Variants in TMEM109 observed in about 807,000 individuals in gnomAD.
The protein encoded by TMEM109 is voltage-gated monoatomic cation channel TMEM109.
Under a neutral mutation model 26.4 loss-of-function variants are expected in TMEM109, and 19 were observed. The ratio of observed to expected loss-of-function variants is 0.72; its 90% CI spans 0.50 to 1.06. The LOEUF (loss-of-function observed/expected upper bound fraction) is 1.06, where lower values mean the gene tolerates loss of function less well. TMEM109 is among the 50% of genes least tolerant of loss of function. The pLI is 0.00. For missense variants in TMEM109, 262 were observed against 303.4 expected, an observed-to-expected ratio of 0.86 and a Z score of 1.01; for synonymous variants, 129 against 142.0, an observed-to-expected ratio of 0.91 and a Z score of 0.65.
At position 60,921,890 on chromosome 11, in the gene TMEM109, T is replaced by G. The variant is rs1362749087; in HGVS notation, c.457T>G (p.Leu153Val). The change falls in exon 4 of 4, where the codon TTG becomes GTG. Residue 153 changes from leucine (L) to valine (V), a missense_variant. Physicochemically the swap from Leu to Val is conservative, Grantham distance 32. Transcript: ENST00000227525. ...GCTGTCTCTGCTCCTCGGCTTGGTC[T>G]TGGCCTTGCTGGGGCGGATCCTGTG... ...WLLSLLLGLV[L>V]ALLGRILWGL... is the part of the protein sequence containing the mutation. 1 of 1,614,212 alleles carries G rather than the reference T, an allele frequency of 6.2e-7. No individual in the cohort carries two copies. The highest frequency in any genetic ancestry group is 8.5e-7 in the Non-Finnish European group (1 of 1,180,038).
intron 1 of TMEM109, chr11:60,919,104 G>C (rs574654413): frequency 6.4e-6 from 1 of 155,354 alleles, no homozygotes; most frequent in Non-Finnish European, 1.4e-5. Flanking sequence ...GTTTCTTCTC[G>C]TCTGTACCAG....
intron 1 of TMEM109, among the ~76,000 whole-genome samples, chr11:60,915,008 G>A (rs984290300): frequency 1.3e-5 from 2 of 152,144 alleles, no homozygotes; most frequent in African/African-American, 4.8e-5. Flanking sequence ...TGGCTTTCTC[G>A]TTCGACCCTC....
chr11:60,920,979 G>A lies in TMEM109; in HGVS notation c.331G>A (p.Gly111Arg). The A allele has an allele frequency of 6.2e-7, 1 of 1,614,030 alleles. No homozygotes were observed. Among genetic ancestry groups the A allele is most frequent in the East Asian group, 2.2e-5 (1 of 44,886 alleles). ...GIAAQLLNAL[G>R]LAGDYLAQGL... ...CGCCGCACAGCTGCTGAATGCCTTGGGACTAGCTGGTGAGTGTTCGAGTGC... is the reference window on the plus strand; with the variant it reads ...CGCCGCACAGCTGCTGAATGCCTTGAGACTAGCTGGTGAGTGTTCGAGTGC... The change falls in exon 3 of 4, where the codon GGA becomes AGA. Residue 111 changes from glycine to arginine, a missense_variant. Physicochemically the swap from Gly to Arg is moderately radical, Grantham distance 125. Coordinates refer to ENST00000227525, the MANE Select transcript of TMEM109 (RefSeq NM_024092.3).
In TMEM109 at chr11:60,920,053, A is replaced by G; in HGVS notation, c.237+123A>G. On this transcript the variant is annotated intron_variant, in intron 2 of 3. Coordinates refer to ENST00000227525, the MANE Select transcript of TMEM109 (RefSeq NM_024092.3). ...GGTGCAGAGAGCCCCAAATTCCACA[A>G]AAAGAAGCCACACAGCACTTGTCTT... The G allele has an allele frequency of 5.1e-6, 4 of 782,272 alleles. No homozygotes were observed. The South Asian group carries it at 6.5e-5, about 13-fold the overall frequency. 48.5% of individuals were successfully genotyped at this position (782,272 alleles called of 1,614,324 possible).
chr11:60,921,290 G>A lies in TMEM109; in HGVS notation c.340+302G>A, dbSNP rs141562366. On this transcript the variant is annotated intron_variant, in intron 3 of 3. Coordinates refer to ENST00000227525, the MANE Select transcript of TMEM109 (RefSeq NM_024092.3). ...TAAAAAATTAGCCAAGCATGGTGGCGTGTGTCTGTTGTCCCAGCTACTTGG... is the reference window on the plus strand; with the variant it reads ...TAAAAAATTAGCCAAGCATGGTGGCATGTGTCTGTTGTCCCAGCTACTTGG... 7.0e-3 allele frequency among the ~76,000 whole-genome samples: 1,061 copies of A among 152,230 alleles called. 20 individuals are homozygous for A. The highest frequency in any genetic ancestry group is 0.024 in the African/African-American group (1,008 of 41,534).
intron 3 of TMEM109, 118 bp from the exon 4 acceptor site, chr11:60,921,656 C>T (rs1389223606): frequency 7.8e-6 from 6 of 766,612 alleles, no homozygotes; most frequent in Admixed American, 4.6e-5. Flanking sequence ...TCTGAGTCTG[C>T]GAGAACGGCT....
chr11:60,916,923 G>T (rs1207657049), intron 1 of TMEM109, among the ~76,000 whole-genome samples: 1 of 152,190 alleles, frequency 6.6e-6, no homozygotes, highest in African/African-American at 2.4e-5. Context: ...TAGCAACCCT[G>T]CTCTTTTAAG....
At chr11:60,914,448 TCGTTTCCAGGCAACCCGGGAGGCGCA>T (rs1424036624) in intron 1 of TMEM109, among the ~76,000 whole-genome samples, 180 bp downstream of exon 1, 164 of 152,108 alleles carry the variant, frequency 1.1e-3, no homozygotes, top group African/African-American at 3.9e-3. Context: ...ACCGGGGGCG[TCGTTTCCAGGCAACCCGGGAGGCGCA>T]CGTTTCCGGG....
Position 60,922,014 on chromosome 11 carries a change from T to C in TMEM109, c.581T>C (p.Ile194Thr), listed in dbSNP as rs1250688836. ...TRALLLLALLILYALLSRLTG... is the reference protein window; with the variant it reads ...TRALLLLALLTLYALLSRLTG... ...GCCCTGCTACTCCTGGCCTTGCTGA[T>C]CCTCTACGCCCTGCTGAGCCGGCTC... The change falls in exon 4 of 4, where the codon ATC becomes ACC. Residue 194 changes from isoleucine (I) to threonine (T), a missense_variant. By Grantham distance (89) the Ile-to-Thr change is moderately conservative. Coordinates refer to ENST00000227525, the MANE Select transcript of TMEM109 (RefSeq NM_024092.3). The C allele has an allele frequency of 6.2e-7, 1 of 1,613,168 alleles. No homozygotes were observed. The highest frequency in any genetic ancestry group is 8.5e-7 in the Non-Finnish European group (1 of 1,180,014).
At chr11:60,914,482 G>T (rs755946619) in intron 1 of TMEM109, among the ~76,000 whole-genome samples, 1 of 152,206 alleles carries the variant, frequency 6.6e-6, no homozygotes, top group Non-Finnish European at 1.5e-5. Context: ...GCACGTTTCC[G>T]GGGAGAAGAG....
intron 1 of TMEM109, among the ~76,000 whole-genome samples, chr11:60,915,831 A>G (rs929764203): frequency 6.6e-5 from 10 of 152,300 alleles, no homozygotes; most frequent in East Asian, 1.9e-4. Context: ...CACTAACACA[A>G]TAAGTAAAGC....
chr11:60,918,022 T>C (rs1856191196), intron 1 of TMEM109, among the ~76,000 whole-genome samples: 1 of 152,140 alleles, frequency 6.6e-6, no homozygotes, highest in Admixed American at 6.5e-5. Flanking sequence ...AGAGTTGTTG[T>C]GTATGAGGGG....
chr11:60,914,415 A>ACCCGGATC (rs2134875245), intron 1 of TMEM109, 147 bp downstream of exon 1: 1 of 152,270 alleles, frequency 6.6e-6, no homozygotes, highest in African/African-American at 2.4e-5. Flanking sequence ...CAAACCGGGG[A>ACCCGGATC]CCCGGATCCC....
Position 60,922,397 on chromosome 11 carries a change from C to G in TMEM109, c.*232C>G. On this transcript the variant is annotated 3_prime_UTR_variant, in exon 4 of 4. Coordinates refer to ENST00000227525, the MANE Select transcript of TMEM109 (RefSeq NM_024092.3). ...CTGTCTGGGGTTGGCTCTCTTAACC[C>G]TTTCTCTGCTCCCAGCCTGCCTCAC... 1 of 1,521,604 alleles carries G rather than the reference C, an allele frequency of 6.6e-7. No individual in the cohort carries two copies. The highest frequency in any genetic ancestry group is 8.8e-7 in the Non-Finnish European group (1 of 1,136,898). 94.3% of individuals were successfully genotyped at this position (1,521,604 alleles called of 1,614,324 possible). A position where few individuals can be genotyped will look rare whatever the true frequency, so the allele number is the denominator to read the frequency against.
At chr11:60,914,346 G>A (rs1279319942) in intron 1 of TMEM109, 78 bp downstream of exon 1, 1 of 152,366 alleles carries the variant, frequency 6.6e-6, no homozygotes, top group African/African-American at 2.4e-5. Flanking sequence ...GGCACCAGGC[G>A]GAGCCGCGAG....
intron 1 of TMEM109, among the ~76,000 whole-genome samples, chr11:60,915,047 A>C (rs969461391): frequency 3.9e-5 from 6 of 152,226 alleles, no homozygotes; most frequent in African/African-American, 1.4e-4. Context: ...GCTAATATTC[A>C]TTTAATAAAC....
intron 1 of TMEM109, among the ~76,000 whole-genome samples, chr11:60,914,801 GCC>G (rs1856155345): frequency 6.6e-6 from 1 of 152,278 alleles, no homozygotes; most frequent in Non-Finnish European, 1.5e-5. Context: ...CCGTCGCCCT[GCC>G]CCCAAACAGT....
intron 1 of TMEM109, 83 bp from the exon 2 acceptor site, chr11:60,919,603 G>A: frequency 8.6e-7 from 1 of 1,167,094 alleles, no homozygotes; most frequent in East Asian, 2.4e-5. Flanking sequence ...GGTAGGGGTG[G>A]AGAAGGATGT....
rs1565116692 is a variant in TMEM109, at chr11:60,922,398, T to C, written c.*233T>C. 2.0e-6 allele frequency: 3 copies of C among 1,518,470 alleles called. No homozygotes were observed. Among genetic ancestry groups the C allele is most frequent in the Non-Finnish European group, 2.6e-6 (3 of 1,134,406 alleles). 94.1% of individuals were successfully genotyped at this position (1,518,470 alleles called of 1,614,324 possible). On this transcript the variant is annotated 3_prime_UTR_variant, in exon 4 of 4. Transcript: ENST00000227525. ...TGTCTGGGGTTGGCTCTCTTAACCCTTTCTCTGCTCCCAGCCTGCCTCACC... is the reference window on the plus strand; with the variant it reads ...TGTCTGGGGTTGGCTCTCTTAACCCCTTCTCTGCTCCCAGCCTGCCTCACC...
Sources: allele counts gnomAD v4.1 joint callset (sites outside exome capture counted in the v4.1 genomes callset), GRCh38; gene constraint gnomAD v4.1.1; transcripts MANE v1.5; gene names NCBI Gene and HGNC (gene_info 2026-07-23, HGNC 2026-07-21).